Variants in CSMD1 observed in about 807,000 individuals in gnomAD.
CSMD1 encodes the protein CUB and sushi domain-containing protein 1.
Under a neutral mutation model 417.5 loss-of-function variants are expected in CSMD1, and 213 were observed. The ratio of observed to expected loss-of-function variants is 0.51; its 90% confidence interval spans 0.46 to 0.57. The LOEUF (loss-of-function observed/expected upper bound fraction) is 0.57. CSMD1 is among the 20% of genes least tolerant of loss of function. The probability of loss-of-function intolerance (pLI) is 0.00; values close to 1 mark genes in which losing one functional copy is unlikely to be tolerated. For missense variants in CSMD1, 6,923 were observed against 4,529.7 expected (o/e 1.53, Z -15.17); for synonymous variants, 2,862 against 1,736.8 (o/e 1.65, Z -16.11).
At chr8:4,357,615 G>A (rs142971996) in intron 3 of CSMD1, among the ~76,000 whole-genome samples, 25 of 151,966 alleles carry the variant, frequency 1.6e-4, no homozygotes, top group African/African-American at 6.0e-4. Context: ...CAAATAAATA[G>A]CATGCTTAAA....
intron 25 of CSMD1, among the ~76,000 whole-genome samples, chr8:3,289,459 C>G (rs149753764): frequency 0.025 from 3,747 of 147,332 alleles, 718 homozygotes; most frequent in African/African-American, 0.095. Flanking sequence ...AAAAGTGTTC[C>G]TATTTCTCCA....
intron 1 of CSMD1, among the ~76,000 whole-genome samples, chr8:4,987,425 G>T (rs1811236303): frequency 6.6e-6 from 1 of 152,164 alleles, no homozygotes; most frequent in African/African-American, 2.4e-5. Context: ...TTGCAAAGTT[G>T]CTTTAATTCC....
At chr8:4,922,290 G>C (rs966237282) in intron 1 of CSMD1, among the ~76,000 whole-genome samples, 1 of 152,038 alleles carries the variant, frequency 6.6e-6, no homozygotes, top group African/African-American at 2.4e-5. Context: ...GTATAAATAG[G>C]CATCATTGAT....
chr8:3,326,699 T>G (rs1354442414), intron 23 of CSMD1, among the ~76,000 whole-genome samples: 1 of 152,252 alleles, frequency 6.6e-6, no homozygotes, highest in Non-Finnish European at 1.5e-5. Context: ...TCTTAGGTAC[T>G]CTCAGGCAGC....
chr8:4,980,675 G>A (rs546430929), intron 1 of CSMD1, among the ~76,000 whole-genome samples: 1 of 152,170 alleles, frequency 6.6e-6, no homozygotes, highest in Non-Finnish European at 1.5e-5. Context: ...GGCCAAAGTT[G>A]GTGGATCACT....
chr8:3,768,308 C>T (rs1798396440), intron 5 of CSMD1, among the ~76,000 whole-genome samples: 1 of 152,180 alleles, frequency 6.6e-6, no homozygotes, highest in South Asian at 2.1e-4. Context: ...CACCTTCCCA[C>T]TCAGTGAATA....
chr8:4,034,373 A>G (rs139443413), intron 3 of CSMD1, among the ~76,000 whole-genome samples: 4 of 152,382 alleles, frequency 2.6e-5, no homozygotes, highest in Non-Finnish European at 5.9e-5. Context: ...TTCTGAGAGC[A>G]GTCTACAGAA....
Position 3,284,172 on chromosome 8 carries a change from G to A in CSMD1, c.4125C>T (p.Ser1375=). 2 of 1,581,654 alleles carry A rather than the reference G, an allele frequency of 1.3e-6. No individual in the cohort carries two copies. The highest frequency in any genetic ancestry group is 1.7e-6 in the Non-Finnish European group (2 of 1,164,204). Residue 1375 remains serine, a synonymous_variant, in exon 26 of 70, where the codon AGC becomes AGT. Transcript: ENST00000635120. ...TLQFDSDFFI[S]KSGFSIQFST... ...AGAACTGGATGGAGAAGCCAGACTT[G>A]CTGATGAAGAAGTCGCTGTCGAACT...
chr8:3,496,400 C>T (rs957084817), intron 10 of CSMD1, among the ~76,000 whole-genome samples: 4 of 152,080 alleles, frequency 2.6e-5, no homozygotes, highest in African/African-American at 4.8e-5. Context: ...GAAGCACTGG[C>T]CTCAACCTAC....
chr8:3,812,774 C>G (rs1012951360), intron 5 of CSMD1, among the ~76,000 whole-genome samples: 2 of 152,150 alleles, frequency 1.3e-5, no homozygotes, highest in African/African-American at 2.4e-5. Flanking sequence ...AACCAAGGGT[C>G]AATGTATAGT....
chr8:4,556,515 T>C (rs566446974), intron 2 of CSMD1, among the ~76,000 whole-genome samples: 2 of 152,074 alleles, frequency 1.3e-5, no homozygotes, highest in Non-Finnish European at 2.9e-5. Flanking sequence ...AATAATCGAA[T>C]TATCTCTCAA....
chr8:4,441,007 A>T lies in CSMD1; in HGVS notation c.303-20942T>A, dbSNP rs568346966. 1.7e-3 allele frequency among the ~76,000 whole-genome samples: 257 copies of T among 151,468 alleles called. 1 individual carries two copies. The highest frequency in any genetic ancestry group is 6.0e-3 in the African/African-American group (248 of 41,338). On this transcript the variant is annotated intron_variant, in intron 2 of 69. Coordinates refer to ENST00000635120, the MANE Select transcript of CSMD1 (RefSeq NM_033225.6). The stretch of plus-strand genomic sequence containing the variant: ...GTGAGACTCTATCTCAAAAAAAAAA[A>T]ATTAAAAATATTAATGAAAATATAT...
Position 4,387,570 on chromosome 8 carries a change from C to CAAAAAAAAAAAAAAAAAAAAAAAAAA in CSMD1, c.415+32382_415+32383insTTTTTTTTTTTTTTTTTTTTTTTTTT, listed in dbSNP as rs540419006. Among the ~76,000 whole-genome samples the CAAAAAAAAAAAAAAAAAAAAAAAAAA allele has an allele frequency of 5.6e-4, 21 of 37,206 alleles. 6 individuals are homozygous for CAAAAAAAAAAAAAAAAAAAAAAAAAA. Among genetic ancestry groups the CAAAAAAAAAAAAAAAAAAAAAAAAAA allele is most frequent in the Non-Finnish European group, 9.2e-4 (16 of 17,306 alleles). The allele number at this position is 37,206 out of a possible 152,430, so 24.4% of individuals were successfully genotyped here. On this transcript the variant is annotated intron_variant, in intron 3 of 69. Transcript: ENST00000635120. ...GAAGAGATGCATAAATCCAAACTGG[C>CAAAAAAAAAAAAAAAAAAAAAAAAAA]AAAAAAAAAAAAAAAAAAAAAAGAG...
At chr8:4,874,106 T>C (rs997690155) in intron 1 of CSMD1, among the ~76,000 whole-genome samples, 1 of 152,114 alleles carries the variant, frequency 6.6e-6, no homozygotes, top group African/African-American at 2.4e-5. Flanking sequence ...CCTTGGTCTG[T>C]AGTATTCCAC....
chr8:3,917,051 G>A (rs1186402543), intron 5 of CSMD1, among the ~76,000 whole-genome samples: 4 of 151,894 alleles, frequency 2.6e-5, no homozygotes, highest in Admixed American at 2.0e-4. Flanking sequence ...TCCTCTTTTT[G>A]AATGTTACAT....
chr8:3,919,620 CTT>C (rs1401876639), intron 5 of CSMD1, among the ~76,000 whole-genome samples: 1 of 152,016 alleles, frequency 6.6e-6, no homozygotes, highest in African/African-American at 2.4e-5. Context: ...TATCTCTGGT[CTT>C]TTGTGATTCC....
chr8:4,255,097 C>T (rs550402070), intron 3 of CSMD1, among the ~76,000 whole-genome samples: 99 of 152,272 alleles, frequency 6.5e-4, no homozygotes, highest in African/African-American at 2.3e-3. Context: ...TTTAACCCCT[C>T]GGTCTCTCTA....
chr8:4,178,657 A>G (rs1490870074), intron 3 of CSMD1, among the ~76,000 whole-genome samples: 3 of 152,154 alleles, frequency 2.0e-5, no homozygotes, highest in African/African-American at 7.2e-5. Context: ...TTTTGCAGAT[A>G]ATATGATTGT....
intron 30 of CSMD1, among the ~76,000 whole-genome samples, chr8:3,212,179 C>T (rs996445772): frequency 3.3e-5 from 5 of 152,114 alleles, no homozygotes; most frequent in Non-Finnish European, 5.9e-5. Context: ...TTTGAAGCTC[C>T]CATATGCTTC....
Sources: gnomAD v4.1 joint callset for allele counts (sites outside exome capture counted in the v4.1 genomes callset) on GRCh38, gnomAD v4.1.1 for gene constraint, MANE v1.5 for transcripts, NCBI Gene and HGNC (gene_info 2026-07-23, HGNC 2026-07-21) for gene names.